BBS9: variants seen among roughly 807,000 people sequenced by gnomAD.
BBS9 encodes the protein protein PTHB1.
Under a neutral mutation model 117.7 loss-of-function variants are expected in BBS9, and 89 were observed. The observed-to-expected ratio is 0.76, with a 90% CI of 0.64 to 0.90. The LOEUF is 0.90. BBS9 is among the 40% of genes least tolerant of loss of function. BBS9 has a pLI of 0.00. For synonymous variants in BBS9, 379 were observed against 370.9 expected (o/e 1.02, Z -0.25); for missense variants, 982 against 1,042.2 (o/e 0.94, Z 0.80).
At chr7:33,385,990 G>A (rs1008919739) in intron 18 of BBS9, among the ~76,000 whole-genome samples, 1 of 152,132 alleles carries the variant, frequency 6.6e-6, no homozygotes, top group East Asian at 1.9e-4. Flanking sequence ...GTGGGGTGGG[G>A]GGAGCGGAGA....
At chr7:33,402,990 G>A (rs1215466443) in intron 19 of BBS9, among the ~76,000 whole-genome samples, 3 of 151,788 alleles carry the variant, frequency 2.0e-5, no homozygotes, top group African/African-American at 7.3e-5. Flanking sequence ...ATGGCTTCCA[G>A]CTACATCCAT....
At chr7:33,413,934 G>C (rs1831560197) in intron 19 of BBS9, among the ~76,000 whole-genome samples, 1 of 152,154 alleles carries the variant, frequency 6.6e-6, no homozygotes, top group Non-Finnish European at 1.5e-5. Flanking sequence ...TGAGGCAGGA[G>C]AATCTCTTGA....
In BBS9 at chr7:33,209,978, G is replaced by T. The variant is rs142228565; in HGVS notation, c.442+32387G>T. On this transcript the variant is annotated intron_variant, in intron 5 of 22. Coordinates refer to ENST00000242067, the MANE Select transcript of BBS9 (RefSeq NM_198428.3). ...GCTTTTCTCGCACTTTAAGATGCATGATTAGGTTGTTTGTTTGCAGTTTTT... is the reference window on the plus strand; with the variant it reads ...GCTTTTCTCGCACTTTAAGATGCATTATTAGGTTGTTTGTTTGCAGTTTTT... Among the ~76,000 whole-genome samples the T allele has an allele frequency of 2.3e-3, 346 of 152,178 alleles. 4 individuals are homozygous for T. The highest frequency in any genetic ancestry group is 7.6e-3 in the African/African-American group (317 of 41,568).
At chr7:33,397,351 A>G (rs1252333266) in intron 19 of BBS9, among the ~76,000 whole-genome samples, 1 of 152,226 alleles carries the variant, frequency 6.6e-6, no homozygotes, top group Non-Finnish European at 1.5e-5. Context: ...GAGAAAAAGG[A>G]ACACTTTTAT....
Position 33,404,538 on chromosome 7 carries a change from C to T in BBS9, c.2115+16394C>T, listed in dbSNP as rs913791880. 5.0e-3 allele frequency among the ~76,000 whole-genome samples: 755 copies of T among 152,026 alleles called. 6 individuals are homozygous for T. Among genetic ancestry groups the T allele is most frequent in the Non-Finnish European group, 6.4e-3 (436 of 67,954 alleles). ...ATTTCATTGAGCAGTGGTTTGTAGT[C>T]CTCCTTGAAGAGGTCCTTCACATCC... On this transcript the variant is annotated intron_variant, in intron 19 of 22. Coordinates refer to ENST00000242067, the MANE Select transcript of BBS9 (RefSeq NM_198428.3).
At chr7:33,447,961 T>C (rs2128910063) in intron 19 of BBS9, among the ~76,000 whole-genome samples, 1 of 152,236 alleles carries the variant, frequency 6.6e-6, no homozygotes, top group Admixed American at 6.5e-5. Context: ...GGGGATTGGG[T>C]GAGCAAAAGT....
intron 5 of BBS9, among the ~76,000 whole-genome samples, chr7:33,228,090 A>AC (rs556372629): frequency 6.6e-6 from 1 of 152,234 alleles, no homozygotes; most frequent in African/African-American, 2.4e-5. Flanking sequence ...TTACATTCTC[A>AC]CCAGCAGTGT....
intron 20 of BBS9, among the ~76,000 whole-genome samples, chr7:33,515,475 C>G (rs1325969036): frequency 1.3e-5 from 2 of 152,154 alleles, no homozygotes; most frequent in East Asian, 1.9e-4. Flanking sequence ...TTCTGAGCCT[C>G]TTATATCCTT....
chr7:33,569,902 C>G (rs1355676968), intron 21 of BBS9, among the ~76,000 whole-genome samples: 1 of 152,202 alleles, frequency 6.6e-6, no homozygotes, highest in African/African-American at 2.4e-5. Flanking sequence ...CAAAGACATA[C>G]TAGTAGTAGT....
rs201655079 is a variant in BBS9 at position 33,368,577 on chromosome 7, T to TACACACACAC, written c.1789+746_1789+755dup. On this transcript the variant is annotated intron_variant, in intron 17 of 22. Coordinates refer to ENST00000242067, the MANE Select transcript of BBS9 (RefSeq NM_198428.3). ...ACGAATCTGTATTGAGAGAAAAAAG[T>TACACACACAC]ACACACACACACACACACACACACA... Among the ~76,000 whole-genome samples, 293 of 128,470 alleles carry TACACACACAC rather than the reference T, an allele frequency of 2.3e-3. 3 individuals are homozygous for TACACACACAC. The highest frequency in any genetic ancestry group is 0.017 in the South Asian group (69 of 3,966). The allele number at this position is 128,470 out of a possible 152,430, so 84.3% of individuals were successfully genotyped here.
chr7:33,314,345 G>T, intron 9 of BBS9: 1 of 385,716 alleles, frequency 2.6e-6, no homozygotes. Context: ...GGATATATCT[G>T]AATACTTGCC....
intron 9 of BBS9, among the ~76,000 whole-genome samples, chr7:33,325,043 T>C (rs1282243566): frequency 6.6e-6 from 1 of 152,224 alleles, no homozygotes; most frequent in Non-Finnish European, 1.5e-5. Context: ...AGTTCTGTTA[T>C]TATCTCTTTG....
intron 21 of BBS9, among the ~76,000 whole-genome samples, chr7:33,602,762 G>A (rs1232704591): frequency 2.0e-5 from 3 of 152,192 alleles, no homozygotes; most frequent in Non-Finnish European, 1.5e-5. Context: ...AAAGGTGGGT[G>A]GCATTCCCAG....
intron 21 of BBS9, among the ~76,000 whole-genome samples, chr7:33,631,609 T>A (rs1355534446): frequency 6.6e-6 from 1 of 152,170 alleles, no homozygotes; most frequent in African/African-American, 2.4e-5. Context: ...CTGAATCCAA[T>A]TTTCAGAGGC....
intron 1 of BBS9, among the ~76,000 whole-genome samples, chr7:33,131,344 T>A (rs1369645041): frequency 6.6e-6 from 1 of 152,236 alleles, no homozygotes; most frequent in Non-Finnish European, 1.5e-5. Flanking sequence ...GGGACTTGTT[T>A]AAGATCATGT....
In BBS9 at chr7:33,152,782, C is replaced by T; in HGVS notation, c.194C>T (p.Ala65Val). The change falls in exon 3 of 23, where the codon GCC becomes GTC. Residue 65 changes from alanine (A) to valine (V), a missense_variant. Transcript: ENST00000242067. Reference sequence around the variant, plus strand: ...GCAAAAACAGGAGATGGAGCTCAAGCCGAAGATTTGCTTCTAGAAGTGGAT... The same window carrying T: ...GCAAAAACAGGAGATGGAGCTCAAGTCGAAGATTTGCTTCTAGAAGTGGAT... ...HPAKTGDGAQ[A>V]EDLLLEVDLR... 1 of 1,613,734 alleles carries T rather than the reference C, an allele frequency of 6.2e-7. No homozygotes were observed. Among genetic ancestry groups the T allele is most frequent in the Non-Finnish European group, 8.5e-7 (1 of 1,179,928 alleles).
At chr7:33,234,456 A>G (rs1293221949) in intron 5 of BBS9, among the ~76,000 whole-genome samples, 2 of 152,066 alleles carry the variant, frequency 1.3e-5, no homozygotes, top group African/African-American at 4.8e-5. Context: ...ATTACCTCAT[A>G]TAGTTAGCAT....
At chr7:33,631,681 C>G (rs1366412050) in intron 21 of BBS9, among the ~76,000 whole-genome samples, 2 of 152,212 alleles carry the variant, frequency 1.3e-5, no homozygotes, top group Non-Finnish European at 2.9e-5. Flanking sequence ...CTCAAAAAAC[C>G]CCTCCCTTTA....
chr7:33,152,643 A>G, intron 2 of BBS9, 58 bp from the exon 3 acceptor site: 2 of 1,490,242 alleles, frequency 1.3e-6, no homozygotes, highest in Non-Finnish European at 1.8e-6. Flanking sequence ...CTTATTTCCT[A>G]AGAGATTTGC....
Sources: gnomAD v4.1 joint callset for allele counts (sites outside exome capture counted in the v4.1 genomes callset) on GRCh38, gnomAD v4.1.1 for gene constraint, MANE v1.5 for transcripts, NCBI Gene and HGNC (gene_info 2026-07-23, HGNC 2026-07-21) for gene names.